The following FIRRM variants were observed in gnomAD, a reference collection of about 807,000 sequenced individuals.
The protein encoded by FIRRM is FIGNL1 interacting regulator of recombination and mitosis.
At chr1:169,811,832 G>A in the FIRRM span, among the ~76,000 whole-genome samples, 1 of 148,374 alleles carries the variant, frequency 6.7e-6, no homozygotes, top group Non-Finnish European at 1.5e-5. Context: ...TATCTAAATA[G>A]ATAATAGATT....
At chr1:169,838,911 C>T in the FIRRM span, among the ~76,000 whole-genome samples, 2 of 152,072 alleles carry the variant, frequency 1.3e-5, no homozygotes, top group Non-Finnish European at 2.9e-5. Flanking sequence ...AGTACCCAAC[C>T]GTTTATCAAC....
At chr1:169,852,606 T>C in the FIRRM span, 11 of 618,528 alleles carry the variant, frequency 1.8e-5, no homozygotes, top group Admixed American at 1.8e-4. Flanking sequence ...TGAATTGCTA[T>C]GATAAACCAA....
the FIRRM span, chr1:169,849,724 A>C: frequency 1.4e-6 from 1 of 738,036 alleles, no homozygotes; most frequent in Admixed American, 2.5e-5. Context: ...AAATTGTCTG[A>C]AGGGTACATT....
chr1:169,787,913 T>C, the FIRRM span, among the ~76,000 whole-genome samples: 2 of 152,172 alleles, frequency 1.3e-5, no homozygotes, highest in Non-Finnish European at 2.9e-5. Flanking sequence ...CATTTTCCTA[T>C]ATCTTATCAG....
At chr1:169,847,313 TAAAAAA>T in the FIRRM span, among the ~76,000 whole-genome samples, 7,993 of 86,074 alleles carry the variant, frequency 0.093, 269 homozygotes, top group Middle Eastern at 0.13. Flanking sequence ...CTTATATTTC[TAAAAAA>T]AAAAAAAAAA....
chr1:169,793,651 A>G, the FIRRM span: 3 of 1,611,592 alleles, frequency 1.9e-6, no homozygotes, highest in African/African-American at 4.0e-5. Flanking sequence ...GTGTTAATTC[A>G]TTTTCCAGAT....
At chr1:169,829,839 T>G in the FIRRM span, among the ~76,000 whole-genome samples, 3 of 152,230 alleles carry the variant, frequency 2.0e-5, no homozygotes, top group Non-Finnish European at 2.9e-5. Flanking sequence ...ATTCGATACT[T>G]GTAATATCTG....
At chr1:169,842,283 C>T in the FIRRM span, 6 of 750,760 alleles carry the variant, frequency 8.0e-6, no homozygotes, top group Non-Finnish European at 1.2e-5. Context: ...ATGGCTTTGG[C>T]TCTTAGAAAT....
At chr1:169,795,323 C>T in the FIRRM span, 5 of 1,421,548 alleles carry the variant, frequency 3.5e-6, no homozygotes, top group African/African-American at 5.7e-5. Flanking sequence ...ATTACCGCGG[C>T]CTGAACCCCC....
the FIRRM span, among the ~76,000 whole-genome samples, chr1:169,847,016 CAG>C: frequency 9.9e-5 from 15 of 152,026 alleles, no homozygotes; most frequent in Non-Finnish European, 1.5e-5. Context: ...TATTGTGTCT[CAG>C]GGAATAGGGA....
the FIRRM span, chr1:169,821,728 T>G: frequency 6.2e-7 from 1 of 1,612,120 alleles, no homozygotes; most frequent in Non-Finnish European, 8.5e-7. Flanking sequence ...TTGTGTCGTT[T>G]TTTTGCCAAC....
the FIRRM span, among the ~76,000 whole-genome samples, chr1:169,807,626 T>G: frequency 6.6e-6 from 1 of 152,228 alleles, no homozygotes; most frequent in African/African-American, 2.4e-5. Context: ...TAAACAAATA[T>G]AACTGCTTCA....
chr1:169,802,569 C>T, the FIRRM span: 1 of 1,294,944 alleles, frequency 7.7e-7, no homozygotes, highest in East Asian at 2.3e-5. Context: ...TTTGTCTTGT[C>T]TTTTCTAGTG....
the FIRRM span, chr1:169,794,843 T>G: frequency 2.1e-6 from 1 of 480,664 alleles, no homozygotes; most frequent in African/African-American, 1.9e-5. Context: ...CGACGTGTCC[T>G]GGGATCGCGC....
chr1:169,851,522 T>C, the FIRRM span: 2 of 279,744 alleles, frequency 7.1e-6, no homozygotes, highest in Admixed American at 9.9e-5. Flanking sequence ...CTAAGCTGGA[T>C]TTTAAGTACA....
the FIRRM span, among the ~76,000 whole-genome samples, chr1:169,836,212 C>T: frequency 6.6e-6 from 1 of 152,088 alleles, no homozygotes; most frequent in Non-Finnish European, 1.5e-5. Context: ...TTAAATGCAG[C>T]ATTGGTTTTT....
the FIRRM span, among the ~76,000 whole-genome samples, chr1:169,786,572 A>C: frequency 6.6e-6 from 1 of 151,660 alleles, no homozygotes; most frequent in African/African-American, 2.4e-5. Context: ...TTCTCCCTTT[A>C]AAAAAAATGC....
chr1:169,817,000 T>C, the FIRRM span, among the ~76,000 whole-genome samples: 1 of 152,120 alleles, frequency 6.6e-6, no homozygotes, highest in African/African-American at 2.4e-5. Context: ...CAAATTTTAT[T>C]CACAGTGATA....
the FIRRM span, among the ~76,000 whole-genome samples, chr1:169,819,063 T>C: frequency 6.6e-6 from 1 of 152,184 alleles, no homozygotes; most frequent in Non-Finnish European, 1.5e-5. Context: ...GCATGCGGTT[T>C]CTACAGCCTA....
Sources: allele counts gnomAD v4.1 joint callset (sites outside exome capture counted in the v4.1 genomes callset), GRCh38; gene constraint gnomAD v4.1.1; transcripts MANE v1.5; gene names NCBI Gene and HGNC (gene_info 2026-07-23, HGNC 2026-07-21).